The following RIN2 variants were observed in gnomAD, a reference collection of about 807,000 sequenced individuals.
RIN2 encodes RAB5 interacting protein 2.
Under a neutral mutation model 78.0 loss-of-function variants are expected in RIN2, and 36 were observed. The ratio of observed to expected loss-of-function variants is 0.46; its 90% CI spans 0.35 to 0.61. The LOEUF (loss-of-function observed/expected upper bound fraction) is 0.61. Ranked by LOEUF, RIN2 falls within the 20% of genes least tolerant of loss-of-function variation. The pLI is 0.00. For missense variants in RIN2, 1,087 were observed against 1,159.7 expected (o/e 0.94, Z 0.91); for synonymous variants, 466 against 466.8 (o/e 1.00, Z 0.02).
chr20:19,795,531 T>A (rs2035028349), intron 1 of RIN2, among the ~76,000 whole-genome samples: 1 of 152,154 alleles, frequency 6.6e-6, no homozygotes, highest in Non-Finnish European at 1.5e-5. Flanking sequence ...TTTATTGCCC[T>A]CTATTTTGCC....
intron 2 of RIN2, among the ~76,000 whole-genome samples, chr20:19,810,139 C>A (rs1189812826): frequency 6.6e-6 from 1 of 151,784 alleles, no homozygotes; most frequent in Non-Finnish European, 1.5e-5. Flanking sequence ...TGGCTCACAC[C>A]TGTAATGCCA....
intron 3 of RIN2, among the ~76,000 whole-genome samples, chr20:19,907,502 G>C (rs897544472): frequency 2.0e-5 from 3 of 152,196 alleles, no homozygotes; most frequent in African/African-American, 7.2e-5. Context: ...TCACCAGAGC[G>C]AGGAAGGAAG....
upstream of RIN2, chr20:19,757,988 G>A (rs1485346118): frequency 6.6e-6 from 1 of 152,334 alleles, no homozygotes; most frequent in Admixed American, 6.5e-5. Context: ...GGCGGTTACA[G>A]GGAATGGAGG....
At chr20:19,907,278 C>T (rs151249991) in intron 3 of RIN2, among the ~76,000 whole-genome samples, 51 of 152,224 alleles carry the variant, frequency 3.4e-4, no homozygotes, top group African/African-American at 1.2e-3. Context: ...AAAGCCCCAC[C>T]TCTCAACACT....
At chr20:19,872,438 A>G (rs2123374655) in intron 2 of RIN2, among the ~76,000 whole-genome samples, 1 of 152,270 alleles carries the variant, frequency 6.6e-6, no homozygotes, top group Admixed American at 6.5e-5. Context: ...GGGATAAAAT[A>G]TGGATAAGAT....
chr20:19,970,722 T>C, intron 7 of RIN2, 116 bp from the exon 8 acceptor site: 1 of 785,832 alleles, frequency 1.3e-6, no homozygotes, highest in Middle Eastern at 2.5e-4. Context: ...TATGGTATGG[T>C]GTCTACTTAG....
Position 19,823,597 on chromosome 20 carries a change from A to G in RIN2, c.-37+23850A>G, listed in dbSNP as rs887512450. Reference sequence around the variant, plus strand: ...TTCTCTGGCTAAGGATTGGTGCCGCATCTGTCGAGCAATGTTGACGATCTC... The same window carrying G: ...TTCTCTGGCTAAGGATTGGTGCCGCGTCTGTCGAGCAATGTTGACGATCTC... On this transcript the variant is annotated intron_variant, in intron 2 of 12. Coordinates refer to ENST00000255006, the MANE Select transcript of RIN2 (RefSeq NM_018993.4). The G allele has an allele frequency of 3.3e-6, 5 of 1,528,538 alleles. No homozygotes were observed. The South Asian group carries it at 4.5e-5, about 14-fold the overall frequency. The allele number at this position is 1,528,538 out of a possible 1,614,324, so 94.7% of individuals were successfully genotyped here.
intron 2 of RIN2, among the ~76,000 whole-genome samples, chr20:19,810,455 C>G (rs1044712210): frequency 6.6e-6 from 1 of 151,862 alleles, no homozygotes; most frequent in African/African-American, 2.4e-5. Flanking sequence ...CTGCCAGGGC[C>G]CCCAGGAGGG....
chr20:19,861,846 T>G (rs2037351566), intron 2 of RIN2, among the ~76,000 whole-genome samples: 1 of 151,848 alleles, frequency 6.6e-6, no homozygotes, highest in African/African-American at 2.4e-5. Flanking sequence ...CCATATTCAA[T>G]GATCACCCTC....
intron 2 of RIN2, among the ~76,000 whole-genome samples, chr20:19,801,613 G>T (rs529275767): frequency 1.3e-5 from 2 of 152,192 alleles, no homozygotes; most frequent in Admixed American, 6.5e-5. Context: ...GAGCCACCGC[G>T]CCCGGCATCA....
intron 2 of RIN2, among the ~76,000 whole-genome samples, chr20:19,860,527 T>C (rs1403658344): frequency 6.6e-6 from 1 of 152,134 alleles, no homozygotes; most frequent in African/African-American, 2.4e-5. Flanking sequence ...TTCACCATGT[T>C]GGCCATACTC....
intron 4 of RIN2, among the ~76,000 whole-genome samples, chr20:19,946,760 G>T (rs2041110388): frequency 6.6e-6 from 1 of 150,590 alleles, no homozygotes; most frequent in Non-Finnish European, 1.5e-5. Context: ...GCTGGGTGCG[G>T]TGGCTCACAC....
intron 2 of RIN2, among the ~76,000 whole-genome samples, chr20:19,878,674 T>C (rs1438608469): frequency 6.6e-6 from 1 of 152,176 alleles, no homozygotes; most frequent in African/African-American, 2.4e-5. Context: ...AAAATGCCAG[T>C]GTCCACCCAG....
At chr20:19,976,493 G>A (rs6112694) in intron 9 of RIN2, among the ~76,000 whole-genome samples, 249 of 152,312 alleles carry the variant, frequency 1.6e-3, no homozygotes, top group African/African-American at 5.6e-3. Context: ...CATGAAAGGT[G>A]TTTTCTCCAA....
chr20:19,834,132 A>C (rs1568795387), intron 2 of RIN2, among the ~76,000 whole-genome samples: 1 of 152,124 alleles, frequency 6.6e-6, no homozygotes, highest in Non-Finnish European at 1.5e-5. Flanking sequence ...ACTCCTGCTA[A>C]TCTCCTTAGT....
chr20:19,798,868 CA>C (rs377234489), intron 1 of RIN2, among the ~76,000 whole-genome samples: 27 of 151,898 alleles, frequency 1.8e-4, no homozygotes, highest in African/African-American at 6.5e-4. Flanking sequence ...GATACTGATT[CA>C]AACAGTTAAA....
intron 4 of RIN2, among the ~76,000 whole-genome samples, chr20:19,944,556 A>G (rs73126169): frequency 0.15 from 22,769 of 152,234 alleles, 2,311 homozygotes; most frequent in African/African-American, 0.29. Flanking sequence ...CCCAGGGTGT[A>G]TCTTTCTTGC....
At chr20:19,886,712 G>A in intron 2 of RIN2, 1 of 1,549,228 alleles carries the variant, frequency 6.5e-7, no homozygotes, top group Non-Finnish European at 8.7e-7. Flanking sequence ...ACCCTTCAGG[G>A]AAGCCAGGAA....
intron 1 of RIN2, among the ~76,000 whole-genome samples, chr20:19,799,301 G>C (rs948092436): frequency 2.6e-5 from 4 of 152,176 alleles, no homozygotes; most frequent in Non-Finnish European, 5.9e-5. Flanking sequence ...AAGGGATAAG[G>C]GAAGGAAATG....
Sources: allele counts gnomAD v4.1 joint callset (sites outside exome capture counted in the v4.1 genomes callset), GRCh38; gene constraint gnomAD v4.1.1; transcripts MANE v1.5; gene names NCBI Gene and HGNC (gene_info 2026-07-23, HGNC 2026-07-21).